Variants in SEMA3E observed in about 807,000 individuals in gnomAD.
SEMA3E encodes the protein semaphorin 3E, also known as semaphorin-3E.
Under a neutral mutation model 93.6 loss-of-function variants are expected in SEMA3E, and 49 were observed. The observed-to-expected ratio is 0.52, with a 90% CI of 0.42 to 0.66. SEMA3E has a LOEUF of 0.66. Ranked by LOEUF, SEMA3E falls within the 30% of genes least tolerant of loss-of-function variation. The pLI is 0.00. For synonymous variants in SEMA3E, 363 were observed against 330.7 expected (o/e 1.10, Z -1.06); for missense variants, 906 against 964.8 (o/e 0.94, Z 0.81).
rs11429680 is a variant in SEMA3E at position 83,482,564 on chromosome 7, C to CAAAAAAAA, written c.276+7542_276+7549dup. 1.5e-3 allele frequency among the ~76,000 whole-genome samples: 119 copies of CAAAAAAAA among 80,222 alleles called. 1 individual carries two copies. Among genetic ancestry groups the CAAAAAAAA allele is most frequent in the African/African-American group, 6.6e-3 (115 of 17,374 alleles). 52.6% of individuals were successfully genotyped at this position (80,222 alleles called of 152,430 possible). On this transcript the variant is annotated intron_variant, in intron 2 of 16. Coordinates refer to ENST00000643230, the MANE Select transcript of SEMA3E (RefSeq NM_012431.3). The stretch of plus-strand genomic sequence containing the variant: ...TGCGCGACAGAGCCACACTCCGTCT[C>CAAAAAAAA]AAAAAAAAAAAAAAAAAAAAAAAAT...
intron 4 of SEMA3E, among the ~76,000 whole-genome samples, chr7:83,454,267 A>AT: frequency 1.9e-5 from 2 of 103,528 alleles, no homozygotes; most frequent in African/African-American, 7.6e-5. Flanking sequence ...CAAAAAAAAA[A>AT]AAAAAATATA....
Position 83,431,384 on chromosome 7 carries a change from T to C in SEMA3E, c.457-12901A>G, listed in dbSNP as rs191728042. On this transcript the variant is annotated intron_variant, in intron 4 of 16. Coordinates refer to ENST00000643230, the MANE Select transcript of SEMA3E (RefSeq NM_012431.3). ...ATATAAATTAAAAAATATATCTTAA[T>C]TTGAGTTGGAAACACTAACGGGTAA... is the stretch of plus-strand genomic sequence containing the variant. 2.6e-5 allele frequency among the ~76,000 whole-genome samples: 4 copies of C among 152,126 alleles called. No individual in the cohort carries two copies. In the East Asian group the frequency reaches 5.8e-4, roughly 22 times the overall value.
At chr7:83,629,587 A>G (rs373194454) in intron 1 of SEMA3E, among the ~76,000 whole-genome samples, 6 of 152,210 alleles carry the variant, frequency 3.9e-5, no homozygotes, top group African/African-American at 1.2e-4. Flanking sequence ...CTGTGTTTAT[A>G]CTGTGAAGGG....
intron 4 of SEMA3E, among the ~76,000 whole-genome samples, chr7:83,455,817 C>T (rs1260667975): frequency 1.3e-5 from 2 of 152,204 alleles, no homozygotes; most frequent in Non-Finnish European, 2.9e-5. Flanking sequence ...GACAGCAGCC[C>T]CTGGCTGATA....
intron 1 of SEMA3E, among the ~76,000 whole-genome samples, chr7:83,643,133 T>C (rs1020114225): frequency 1.3e-5 from 2 of 152,074 alleles, no homozygotes; most frequent in East Asian, 3.8e-4. Context: ...TGGTGCTTTA[T>C]TATGTGGTCA....
At chr7:83,397,603 C>G (rs2709925) in intron 11 of SEMA3E, among the ~76,000 whole-genome samples, 86,869 of 151,938 alleles carry the variant, frequency 0.57, 28,519 homozygotes, top group East Asian at 0.85. Flanking sequence ...AAAGTTTATA[C>G]TCATATTTTA....
intron 1 of SEMA3E, among the ~76,000 whole-genome samples, chr7:83,567,805 C>A (rs903236652): frequency 2.6e-5 from 4 of 151,658 alleles, no homozygotes; most frequent in Non-Finnish European, 5.9e-5. Context: ...CAAAAAAGTA[C>A]AACGATTTTG....
At chr7:83,449,188 C>T (rs886752887) in intron 4 of SEMA3E, among the ~76,000 whole-genome samples, 1 of 151,858 alleles carries the variant, frequency 6.6e-6, no homozygotes, top group Non-Finnish European at 1.5e-5. Context: ...CAACCTCCAC[C>T]TCCTGGGCTC....
intron 5 of SEMA3E, among the ~76,000 whole-genome samples, chr7:83,414,461 A>T (rs532625738): frequency 6.6e-6 from 1 of 152,234 alleles, no homozygotes; most frequent in African/African-American, 2.4e-5. Context: ...ATTCATAATA[A>T]GGATATATAT....
At position 83,427,231 on chromosome 7, in the gene SEMA3E, CCTTT is replaced by C. The variant is rs924787352; in HGVS notation, c.457-8752_457-8749del. On this transcript the variant is annotated intron_variant, in intron 4 of 16. Transcript: ENST00000643230. ...TTCTTTTTTCTTTCTTTCTTTCCTTCCTTTCTCTTTCTTTTTCTTCAATACTGAA... is the reference window on the plus strand; with the variant it reads ...TTCTTTTTTCTTTCTTTCTTTCCTTCCTCTTTCTTTTTCTTCAATACTGAA... 7.3e-5 allele frequency among the ~76,000 whole-genome samples: 11 copies of C among 151,170 alleles called. 1 individual carries two copies. In the South Asian group the frequency reaches 1.0e-3, roughly 14 times the overall value.
intron 16 of SEMA3E, among the ~76,000 whole-genome samples, chr7:83,374,128 C>T (rs1422118641): frequency 2.7e-5 from 4 of 148,848 alleles, no homozygotes; most frequent in East Asian, 2.0e-4. Context: ...TTTGCTTGAA[C>T]CCAGGAGGCA....
chr7:83,606,959 CTACT>C (rs550555572), intron 1 of SEMA3E, among the ~76,000 whole-genome samples: 70 of 152,104 alleles, frequency 4.6e-4, no homozygotes, highest in Non-Finnish European at 9.0e-4. Context: ...TATATGTAGG[CTACT>C]TAAAGTATAA....
chr7:83,449,288 C>G (rs1789303669), intron 4 of SEMA3E, among the ~76,000 whole-genome samples: 1 of 151,764 alleles, frequency 6.6e-6, no homozygotes, highest in Admixed American at 6.6e-5. Flanking sequence ...TTGGTAGAGA[C>G]AGGGTTTCAC....
chr7:83,533,586 T>G (rs996932882), intron 1 of SEMA3E, among the ~76,000 whole-genome samples: 4 of 22,390 alleles, frequency 1.8e-4, no homozygotes, highest in South Asian at 4.2e-3. Context: ...TAAAATAAAA[T>G]AAAATAAAAT....
intron 1 of SEMA3E, among the ~76,000 whole-genome samples, chr7:83,523,737 T>C (rs1257859471): frequency 1.3e-5 from 2 of 152,138 alleles, no homozygotes. Context: ...TCTATGTATT[T>C]TCCTTTGGTG....
rs371092782 is a variant in SEMA3E at position 83,385,363 on chromosome 7, A to G, written c.1806T>C (p.Cys602=). ...CTTTCGCTTGTAAAGATCGTGGGGT[A>G]CATTCCAGCAAAGTACTGTTGTTCT... ...GIENNSTLLE[C]TPRSLQAKVI... is the part of the protein sequence containing the mutation. The change falls in exon 16 of 17, where the codon TGT becomes TGC. Residue 602 remains cysteine (C), a synonymous_variant. Transcript: ENST00000643230. 46 of 1,613,484 alleles carry G rather than the reference A, an allele frequency of 2.9e-5. No individual in the cohort carries two copies. Among genetic ancestry groups the G allele is most frequent in the Admixed American group, 3.3e-5 (2 of 59,966 alleles).
At chr7:83,473,332 A>G (rs1789942505) in intron 2 of SEMA3E, among the ~76,000 whole-genome samples, 1 of 152,168 alleles carries the variant, frequency 6.6e-6, no homozygotes, top group Non-Finnish European at 1.5e-5. Context: ...TACTGTTGTT[A>G]GACTGTATTG....
At chr7:83,561,063 T>A (rs1434725653) in intron 1 of SEMA3E, among the ~76,000 whole-genome samples, 1 of 152,038 alleles carries the variant, frequency 6.6e-6, no homozygotes, top group African/African-American at 2.4e-5. Flanking sequence ...TTTTTTTGCA[T>A]CCATTAATAG....
At chr7:83,592,359 A>G (rs1792773102) in intron 1 of SEMA3E, among the ~76,000 whole-genome samples, 1 of 152,106 alleles carries the variant, frequency 6.6e-6, no homozygotes, top group South Asian at 2.1e-4. Flanking sequence ...CTGTACTTGC[A>G]AAGTGTAAAT....
Sources: allele counts gnomAD v4.1 joint callset (sites outside exome capture counted in the v4.1 genomes callset), GRCh38; gene constraint gnomAD v4.1.1; transcripts MANE v1.5; gene names NCBI Gene and HGNC (gene_info 2026-07-23, HGNC 2026-07-21).